The following SHISA9 variants were observed in gnomAD, a reference collection of about 807,000 sequenced individuals.
The protein encoded by SHISA9 is protein shisa-9.
Under a neutral mutation model 38.0 loss-of-function variants are expected in SHISA9, and 13 were observed. That is an observed-to-expected ratio of 0.34 (90% confidence interval 0.22 to 0.54). The LOEUF (loss-of-function observed/expected upper bound fraction) is 0.54. SHISA9 is among the 20% of genes least tolerant of loss of function. The pLI is 0.91. For missense variants in SHISA9, 538 were observed against 575.8 expected, an observed-to-expected ratio of 0.93 and a Z score of 0.67; for synonymous variants, 275 against 242.0, an observed-to-expected ratio of 1.14 and a Z score of -1.27.
chr16:12,996,638 A>T (rs1057453753), intron 2 of SHISA9, among the ~76,000 whole-genome samples: 1 of 152,114 alleles, frequency 6.6e-6, no homozygotes, highest in African/African-American at 2.4e-5. Flanking sequence ...CCGCTGGATC[A>T]GTGGTTTTTA....
At chr16:13,443,973 A>G in the SHISA9 span, among the ~76,000 whole-genome samples, 1 of 152,218 alleles carries the variant, frequency 6.6e-6, no homozygotes, top group Non-Finnish European at 1.5e-5. Context: ...CAAGGCAATA[A>G]TTGTCATGGA....
chr16:13,114,967 T>C (rs2074017285), intron 2 of SHISA9, among the ~76,000 whole-genome samples: 1 of 152,080 alleles, frequency 6.6e-6, no homozygotes, highest in South Asian at 2.1e-4. Context: ...TCTTTGTATC[T>C]ATATATGTAT....
rs1198634957 is a variant in SHISA9, at chr16:13,239,299, G to A, written c.*3890G>A. 2.6e-5 allele frequency: 4 copies of A among 151,336 alleles called. No homozygotes were observed. The highest frequency in any genetic ancestry group is 9.7e-5 in the African/African-American group (4 of 41,194). The allele number at this position is 151,336 out of a possible 1,614,324, so 9.4% of individuals were successfully genotyped here. A position where few individuals can be genotyped will look rare whatever the true frequency, so the allele number is the denominator to read the frequency against. On this transcript the variant is annotated 3_prime_UTR_variant, in exon 5 of 5. Coordinates refer to ENST00000558583, the MANE Select transcript of SHISA9 (RefSeq NM_001145204.3). ...GTGAATAGTGCCGCAATAAACATACGTGTGCATGTGTCTTTATAGCAGCAT... is the reference window on the plus strand; with the variant it reads ...GTGAATAGTGCCGCAATAAACATACATGTGCATGTGTCTTTATAGCAGCAT...
chr16:12,949,745 A>C (rs1356013048), intron 2 of SHISA9, among the ~76,000 whole-genome samples: 2 of 152,218 alleles, frequency 1.3e-5, no homozygotes, highest in Non-Finnish European at 2.9e-5. Context: ...ATTGAGGCAT[A>C]ATAATTGTAC....
chr16:13,402,227 A>T, the SHISA9 span, among the ~76,000 whole-genome samples: 12 of 152,268 alleles, frequency 7.9e-5, no homozygotes, highest in South Asian at 1.0e-3. Flanking sequence ...AAGTTGGAGA[A>T]CCAGGAAGCC....
chr16:13,438,310 T>A, the SHISA9 span, among the ~76,000 whole-genome samples: 1 of 152,220 alleles, frequency 6.6e-6, no homozygotes, highest in Admixed American at 6.5e-5. Context: ...TAAGTATGCA[T>A]TGGGCACATA....
intron 2 of SHISA9, among the ~76,000 whole-genome samples, chr16:12,997,619 T>C (rs1389795275): frequency 6.6e-6 from 1 of 152,094 alleles, no homozygotes; most frequent in East Asian, 1.9e-4. Context: ...TTGACCAGGC[T>C]GGTCTCGATC....
At chr16:13,182,575 G>C (rs2050787520) in intron 2 of SHISA9, among the ~76,000 whole-genome samples, 1 of 152,162 alleles carries the variant, frequency 6.6e-6, no homozygotes, top group African/African-American at 2.4e-5. Context: ...CATCTCATTT[G>C]ATTTCTTATA....
intron 2 of SHISA9, among the ~76,000 whole-genome samples, chr16:12,955,517 C>CAAA: frequency 1.3e-5 from 2 of 149,072 alleles, no homozygotes; most frequent in African/African-American, 5.0e-5. Flanking sequence ...TATTATAGGC[C>CAAA]AAAAAAAAAA....
At chr16:13,304,784 C>A in the SHISA9 span, among the ~76,000 whole-genome samples, 119 of 152,166 alleles carry the variant, frequency 7.8e-4, no homozygotes, top group African/African-American at 2.7e-3. Flanking sequence ...GCTGAAATAC[C>A]AAATAAGTGA....
chr16:13,243,882 C>T (rs2051453474), downstream of SHISA9, among the ~76,000 whole-genome samples: 1 of 148,362 alleles, frequency 6.7e-6, no homozygotes, highest in African/African-American at 2.5e-5. Context: ...ATGTGATTCT[C>T]CTGCCTCAGC....
chr16:13,030,488 C>A (rs1403392359), intron 2 of SHISA9, among the ~76,000 whole-genome samples: 2 of 152,176 alleles, frequency 1.3e-5, no homozygotes, highest in Admixed American at 1.3e-4. Flanking sequence ...GGCTTGCTTC[C>A]CTTCCCTGTC....
chr16:12,908,757 C>T (rs1022230627), intron 1 of SHISA9: 1 of 1,402,286 alleles, frequency 7.1e-7, no homozygotes, highest in East Asian at 2.7e-5. Flanking sequence ...TATATCGGCC[C>T]CGGCAGGCCC....
At chr16:13,116,333 G>A (rs1171272299) in intron 2 of SHISA9, among the ~76,000 whole-genome samples, 1 of 152,172 alleles carries the variant, frequency 6.6e-6, no homozygotes, top group Non-Finnish European at 1.5e-5. Context: ...ACTTTCCAAA[G>A]TGTTCCTCGG....
chr16:13,333,905 C>A, the SHISA9 span, among the ~76,000 whole-genome samples: 1 of 152,168 alleles, frequency 6.6e-6, no homozygotes, highest in African/African-American at 2.4e-5. Flanking sequence ...AAAGACCTTG[C>A]TCTCAGGAAA....
chr16:12,954,914 G>A (rs1208398596), intron 2 of SHISA9, among the ~76,000 whole-genome samples: 1 of 152,080 alleles, frequency 6.6e-6, no homozygotes, highest in Non-Finnish European at 1.5e-5. Context: ...ATGCATAAAT[G>A]CATTTATTGG....
the SHISA9 span, among the ~76,000 whole-genome samples, chr16:13,271,203 C>T: frequency 1.3e-5 from 2 of 152,188 alleles, no homozygotes; most frequent in African/African-American, 4.8e-5. Flanking sequence ...AATCCAAGAA[C>T]CACACTGGTG....
intron 1 of SHISA9, among the ~76,000 whole-genome samples, chr16:12,905,626 C>G (rs368751225): frequency 2.6e-4 from 40 of 151,230 alleles, no homozygotes; most frequent in African/African-American, 9.5e-4. Context: ...GAGTCTCGCT[C>G]TGTCACCCAG....
At chr16:13,139,435 TCTCTTC>T (rs199796443) in intron 2 of SHISA9, among the ~76,000 whole-genome samples, 45 of 138,658 alleles carry the variant, frequency 3.2e-4, no homozygotes, top group African/African-American at 1.1e-3. Context: ...CCTTCCTTCT[TCTCTTC>T]CTCTTCCTCT....
Sources: allele counts gnomAD v4.1 joint callset (sites outside exome capture counted in the v4.1 genomes callset), GRCh38; gene constraint gnomAD v4.1.1; transcripts MANE v1.5; gene names NCBI Gene and HGNC (gene_info 2026-07-23, HGNC 2026-07-21).